The following ARHGAP8 variants were observed in gnomAD, a reference collection of about 807,000 sequenced individuals.
ARHGAP8 encodes the protein rho GTPase-activating protein 8.
ARHGAP8 carries 62 observed loss-of-function variants against 46.1 expected under a neutral mutation model. The observed-to-expected ratio is 1.34, with a 90% confidence interval of 1.10 to 1.66. ARHGAP8 has a LOEUF of 1.66. Ranked by LOEUF, ARHGAP8 falls within the 40% of genes most tolerant of loss-of-function variation. ARHGAP8 has a pLI of 0.00. For synonymous variants in ARHGAP8, 375 were observed against 243.1 expected, an observed-to-expected ratio of 1.54 and a Z score of -5.05; for missense variants, 923 against 568.4, an observed-to-expected ratio of 1.62 and a Z score of -6.34.
chr22:44,828,864 C>G (rs1486258897), intron 7 of ARHGAP8, among the ~76,000 whole-genome samples: 1 of 152,124 alleles, frequency 6.6e-6, no homozygotes, highest in East Asian at 1.9e-4. Flanking sequence ...TGCTGTGGCA[C>G]ACAGGGTCCC....
At chr22:44,773,115 C>T (rs918450986) in intron 1 of ARHGAP8, among the ~76,000 whole-genome samples, 6 of 152,002 alleles carry the variant, frequency 3.9e-5, no homozygotes, top group Non-Finnish European at 8.8e-5. Flanking sequence ...CAAGCCTGGC[C>T]AGGAAGCTTT....
intron 2 of ARHGAP8, among the ~76,000 whole-genome samples, chr22:44,801,103 A>G (rs182180714): frequency 1.6e-4 from 5 of 30,416 alleles, no homozygotes; most frequent in Admixed American, 8.5e-4. Flanking sequence ...GCAGCTGTCC[A>G]TGTGTGGGGG....
chr22:44,776,920 A>G (rs1249942887), intron 1 of ARHGAP8, among the ~76,000 whole-genome samples: 1 of 151,880 alleles, frequency 6.6e-6, no homozygotes, highest in Non-Finnish European at 1.5e-5. Flanking sequence ...TGCTCTGTCC[A>G]TCACCCTCGC....
chr22:44,795,336 C>G (rs1254957955), intron 2 of ARHGAP8, among the ~76,000 whole-genome samples: 1 of 152,156 alleles, frequency 6.6e-6, no homozygotes, highest in Non-Finnish European at 1.5e-5. Flanking sequence ...GACCCTCTTA[C>G]CCTCATTGCA....
chr22:44,760,696 A>G (rs546008190), intron 1 of ARHGAP8, among the ~76,000 whole-genome samples: 3 of 152,368 alleles, frequency 2.0e-5, no homozygotes, highest in Non-Finnish European at 4.4e-5. Context: ...TGTAATGTGC[A>G]AATATATTTT....
chr22:44,752,782 G>GA (rs1048257814), intron 1 of ARHGAP8, 155 bp downstream of exon 1: 4 of 151,842 alleles, frequency 2.6e-5, no homozygotes, highest in Non-Finnish European at 5.9e-5. Context: ...TGCGGCCGGG[G>GA]GGAGACCCTC....
At chr22:44,861,987 C>T (rs114226173) in intron 11 of ARHGAP8, among the ~76,000 whole-genome samples, 1,854 of 152,272 alleles carry the variant, frequency 0.012, 40 homozygotes, top group African/African-American at 0.042. Context: ...GATTGCATCT[C>T]CCCAGAAGGT....
intron 10 of ARHGAP8, among the ~76,000 whole-genome samples, chr22:44,859,186 G>A (rs1223451705): frequency 6.6e-6 from 1 of 152,164 alleles, no homozygotes; most frequent in Non-Finnish European, 1.5e-5. Context: ...TTCAGGTGAT[G>A]ATAGGGCTTG....
rs564307209 is a variant in ARHGAP8 at position 44,808,184 on chromosome 22, G to A, written c.168-123G>A. The A allele has an allele frequency of 7.9e-5, 115 of 1,456,350 alleles. No individual in the cohort carries two copies. In the African/African-American group the frequency reaches 1.5e-3, roughly 19 times the overall value. 90.2% of individuals were successfully genotyped at this position (1,456,350 alleles called of 1,614,324 possible). The stretch of plus-strand genomic sequence containing the variant: ...AGGACCGGGGCCCACGGTGCATGGA[G>A]TCTCCATGTGGCCCGGTGCTGGCAC... On this transcript the variant is annotated intron_variant, in intron 3 of 11. Transcript: ENST00000356099.
intron 1 of ARHGAP8, among the ~76,000 whole-genome samples, chr22:44,774,683 T>G (rs1035644048): frequency 1.3e-5 from 2 of 151,768 alleles, no homozygotes; most frequent in African/African-American, 4.8e-5. Flanking sequence ...CCACCACACC[T>G]GGCTAATTTT....
chr22:44,858,916 G>A (rs2070330380), intron 10 of ARHGAP8, among the ~76,000 whole-genome samples: 2 of 151,636 alleles, frequency 1.3e-5, no homozygotes, highest in South Asian at 4.2e-4. Flanking sequence ...AGGCTTTGTG[G>A]GCCTTGTAGT....
intron 2 of ARHGAP8, among the ~76,000 whole-genome samples, chr22:44,789,559 G>T (rs987454179): frequency 6.6e-6 from 1 of 152,086 alleles, no homozygotes; most frequent in African/African-American, 2.4e-5. Context: ...GTGCAGTGGC[G>T]CTGTCTCGGC....
intron 2 of ARHGAP8, among the ~76,000 whole-genome samples, chr22:44,799,638 G>T (rs561315485): frequency 3.5e-4 from 54 of 152,236 alleles, no homozygotes; most frequent in African/African-American, 1.3e-3. Context: ...CCCCACTGCT[G>T]CCTGTACCCC....
intron 7 of ARHGAP8, among the ~76,000 whole-genome samples, chr22:44,844,491 C>G (rs1039395231): frequency 6.6e-6 from 1 of 152,028 alleles, no homozygotes; most frequent in Non-Finnish European, 1.5e-5. Flanking sequence ...GAGATGGAGT[C>G]TCCCTCTATC....
chr22:44,825,727 C>G, intron 7 of ARHGAP8, 134 bp downstream of exon 7: 1 of 1,125,494 alleles, frequency 8.9e-7, no homozygotes, highest in Non-Finnish European at 1.2e-6. Context: ...AAAGATAAAG[C>G]CTGAGCTCAT....
In ARHGAP8 at chr22:44,828,409, C is replaced by A. The variant is rs564692594; in HGVS notation, c.596+2816C>A. On this transcript the variant is annotated intron_variant, in intron 7 of 11. Coordinates refer to ENST00000356099, the MANE Select transcript of ARHGAP8 (RefSeq NM_181335.3). Reference sequence around the variant, plus strand: ...TGAGAACTCAGCCCTTGACCAGGCTCAGCCAGCAGACCAGAATTTTTTTTT... The same window carrying A: ...TGAGAACTCAGCCCTTGACCAGGCTAAGCCAGCAGACCAGAATTTTTTTTT... Among the ~76,000 whole-genome samples, 6 of 149,334 alleles carry A rather than the reference C, an allele frequency of 4.0e-5. No homozygotes were observed. In the South Asian group the frequency reaches 1.3e-3, roughly 32 times the overall value.
At chr22:44,771,452 G>A (rs1925993639) in intron 1 of ARHGAP8, among the ~76,000 whole-genome samples, 1 of 151,708 alleles carries the variant, frequency 6.6e-6, no homozygotes, top group African/African-American at 2.4e-5. Flanking sequence ...TCACCATGTT[G>A]GCCAGGCTGG....
intron 3 of ARHGAP8, among the ~76,000 whole-genome samples, chr22:44,802,985 CCTG>C (rs5845671): frequency 0.41 from 62,410 of 151,220 alleles, 12,996 homozygotes; most frequent in South Asian, 0.54. Flanking sequence ...AAGACAAGGG[CCTG>C]CTGCTGCTGC....
intron 3 of ARHGAP8, among the ~76,000 whole-genome samples, chr22:44,807,695 T>A (rs1349652903): frequency 6.6e-6 from 1 of 152,164 alleles, no homozygotes; most frequent in Non-Finnish European, 1.5e-5. Flanking sequence ...CTCTCACAGT[T>A]CTGGATGCCA....
Sources: allele counts gnomAD v4.1 joint callset (sites outside exome capture counted in the v4.1 genomes callset), GRCh38; gene constraint gnomAD v4.1.1; transcripts MANE v1.5; gene names NCBI Gene and HGNC (gene_info 2026-07-23, HGNC 2026-07-21).